UBAP2L: variants seen among roughly 807,000 people sequenced by gnomAD.
UBAP2L encodes the protein ubiquitin associated protein 2 like, also known as ubiquitin-associated protein 2-like.
A neutral mutation model predicts 130.6 loss-of-function variants in UBAP2L; 12 were observed. The observed-to-expected ratio is 0.09, with a 90% CI of 0.06 to 0.15. The LOEUF (loss-of-function observed/expected upper bound fraction) is 0.15. UBAP2L is among the 10% of genes least tolerant of loss of function. The probability of loss-of-function intolerance (pLI) is 1.00; values close to 1 mark genes in which losing one functional copy is unlikely to be tolerated. For synonymous variants in UBAP2L, 503 were observed against 524.7 expected (o/e 0.96, Z 0.57); for missense variants, 965 against 1,332.5 (o/e 0.72, Z 4.29).
At chr1:154,265,860 T>C (rs947701850) in intron 24 of UBAP2L, among the ~76,000 whole-genome samples, 5 of 152,228 alleles carry the variant, frequency 3.3e-5, no homozygotes, top group Non-Finnish European at 7.3e-5. Flanking sequence ...CCCACCCCGC[T>C]ACACTTAGGC....
At position 154,251,487 on chromosome 1, in the gene UBAP2L, G is replaced by A; in HGVS notation, c.1498G>A (p.Ala500Thr). The A allele has an allele frequency of 6.2e-7, 1 of 1,613,822 alleles. No homozygotes were observed. Among genetic ancestry groups the A allele is most frequent in the Non-Finnish European group, 8.5e-7 (1 of 1,179,966 alleles). ...TTCTCCTTCAACTTTATAGATTCCT[G>A]CTCTGGCTGTGGAGATGCCTGGCTC... Reference protein sequence around the residue: ...KKASLTSKIPALAVEMPGSAD... With the variant: ...KKASLTSKIPTLAVEMPGSAD... The change falls in exon 14 of 27, where the codon GCT (alanine) becomes ACT (threonine). Residue 500 changes from alanine to threonine, a missense_variant. Transcript: ENST00000428931.
In UBAP2L at chr1:154,237,021, C is replaced by T. The variant is rs377311568; in HGVS notation, c.591-3C>T. 1.9e-6 allele frequency: 3 copies of T among 1,611,758 alleles called. No individual in the cohort carries two copies. The highest frequency in any genetic ancestry group is 2.5e-6 in the Non-Finnish European group (3 of 1,178,972). On this transcript the variant is annotated splice_polypyrimidine_tract_variant and splice_region_variant and intron_variant, in intron 7 of 26. Coordinates refer to ENST00000428931, the MANE Select transcript of UBAP2L (RefSeq NM_014847.4). ...AGAGACTCTTAAGTTTTATTTTTTC[C>T]AGAACCTTTAACCCAGCTGATTATG...
rs901320514 is a variant in UBAP2L, at chr1:154,246,099, G to T, written c.843-105G>T. On this transcript the variant is annotated intron_variant, in intron 10 of 26. Transcript: ENST00000428931. ...CTTTTGTGTTTGAACCCTTTTAGAA[G>T]AAGCCCCAGCAAGTGGCTTCATTTT... 2.4e-6 allele frequency: 3 copies of T among 1,275,326 alleles called. No individual in the cohort carries two copies. In the East Asian group the frequency reaches 7.1e-5, roughly 30 times the overall value. The allele number at this position is 1,275,326 out of a possible 1,614,324, so 79.0% of individuals were successfully genotyped here. A position where few individuals can be genotyped will look rare whatever the true frequency, so the allele number is the denominator to read the frequency against.
At chr1:154,250,327 C>T (rs147907057) in intron 12 of UBAP2L, among the ~76,000 whole-genome samples, 1 of 150,296 alleles carries the variant, frequency 6.7e-6, no homozygotes, top group African/African-American at 2.4e-5. Context: ...GATGGGATTG[C>T]AGGCGTGAGC....
intron 7 of UBAP2L, 122 bp downstream of exon 7, chr1:154,236,733 A>G: frequency 9.8e-7 from 1 of 1,023,386 alleles, no homozygotes; most frequent in Non-Finnish European, 1.5e-6. Context: ...CTTAGGGCTC[A>G]TTTCTTAGGG....
chr1:154,235,462 C>T (rs1671336484), intron 6 of UBAP2L, among the ~76,000 whole-genome samples, 171 bp downstream of exon 6: 1 of 152,008 alleles, frequency 6.6e-6, no homozygotes, highest in Non-Finnish European at 1.5e-5. Flanking sequence ...AAGTGATCCT[C>T]CTGCCTCAGC....
chr1:154,254,708 C>T (rs1165305441), intron 15 of UBAP2L, 128 bp from the exon 16 acceptor site: 5 of 1,028,752 alleles, frequency 4.9e-6, no homozygotes, highest in Non-Finnish European at 7.1e-6. Flanking sequence ...AATATTAATC[C>T]TTTTGGTTAA....
At chr1:154,251,343 C>T (rs772475629) in intron 13 of UBAP2L, 25 bp downstream of exon 13, 16 of 1,596,216 alleles carry the variant, frequency 1.0e-5, no homozygotes, top group Non-Finnish European at 1.2e-5. Flanking sequence ...AGGTAGATAC[C>T]ATTTTATGGC....
At chr1:154,255,058 CT>C in intron 16 of UBAP2L, 93 bp from the exon 17 acceptor site, 3 of 1,467,398 alleles carry the variant, frequency 2.0e-6, no homozygotes, top group Non-Finnish European at 2.8e-6. Context: ...ATAACTCATC[CT>C]TTTGTCTTTG....
At chr1:154,250,902 G>T in intron 12 of UBAP2L, 139 bp from the exon 13 acceptor site, 1 of 672,392 alleles carries the variant, frequency 1.5e-6, no homozygotes, top group Non-Finnish European at 2.4e-6. Flanking sequence ...ATAGAAATGA[G>T]ATTAAGCCCC....
intron 4 of UBAP2L, among the ~76,000 whole-genome samples, chr1:154,232,187 C>G (rs1156366041): frequency 6.6e-6 from 1 of 152,002 alleles, no homozygotes. Flanking sequence ...ATTAGCTGGG[C>G]CTGGTGGTGC....
chr1:154,220,544 A>G (rs1313033041), upstream of UBAP2L: 11 of 861,836 alleles, frequency 1.3e-5, no homozygotes, highest in East Asian at 2.8e-4. Context: ...ACCAAGCCAG[A>G]CCCGGCCTGA....
At chr1:154,240,928 C>CT (rs1475822070) in intron 8 of UBAP2L, among the ~76,000 whole-genome samples, 1 of 135,914 alleles carries the variant, frequency 7.4e-6, no homozygotes, top group Non-Finnish European at 1.5e-5. Context: ...GGGTGGTTGT[C>CT]TGTCTGTCCC....
At position 154,266,540 on chromosome 1, in the gene UBAP2L, T is replaced by A. The variant is rs1274544444; in HGVS notation, c.2942T>A (p.Ile981Asn). The A allele has an allele frequency of 6.2e-7, 1 of 1,614,160 alleles. No individual in the cohort carries two copies. Among genetic ancestry groups the A allele is most frequent in the Admixed American group, 1.7e-5 (1 of 60,014 alleles). Residue 981 changes from isoleucine to asparagine, a missense_variant, in exon 25 of 27, where the codon ATC (isoleucine) becomes AAC (asparagine). Physicochemically the swap from Ile to Asn is moderately radical, Grantham distance 149. Coordinates refer to ENST00000428931, the MANE Select transcript of UBAP2L (RefSeq NM_014847.4). ...VTSSNTGVPD[I>N]SGSVYSKTQQ... Reference sequence around the variant, plus strand: ...TCCAGTAACACGGGCGTGCCAGATATCTCGGGTTCTGTGTACTCCAAAACC... The same window carrying A: ...TCCAGTAACACGGGCGTGCCAGATAACTCGGGTTCTGTGTACTCCAAAACC...
At chr1:154,254,940 TA>T in intron 16 of UBAP2L, 50 bp downstream of exon 16, 1 of 1,572,756 alleles carries the variant, frequency 6.4e-7, no homozygotes. Flanking sequence ...TTTTCTATCT[TA>T]AAATGGTGAT....
chr1:154,270,214 A>C lies in UBAP2L; in HGVS notation c.3183A>C (p.Gln1061His), dbSNP rs768260822. 2.5e-6 allele frequency: 4 copies of C among 1,606,944 alleles called. No homozygotes were observed. The highest frequency in any genetic ancestry group is 3.4e-6 in the Non-Finnish European group (4 of 1,175,492). Residue 1061 changes from glutamine to histidine, a missense_variant, in exon 27 of 27, where the codon CAA (glutamine) becomes CAC (histidine). This residue lies in a region of UBAP2L where 194 missense variants were observed against 334.0 expected (regional missense o/e 0.58). Coordinates refer to ENST00000428931, the MANE Select transcript of UBAP2L (RefSeq NM_014847.4). Reference protein sequence around the residue: ...LQQDGQTGSGQRSQTSSIPQK... With the variant: ...LQQDGQTGSGHRSQTSSIPQK... ...TTCCCCTGCAGACGGGCAGCGGGCAACGTAGCCAGACCAGCTCCATCCCGC... is the reference window on the plus strand; with the variant it reads ...TTCCCCTGCAGACGGGCAGCGGGCACCGTAGCCAGACCAGCTCCATCCCGC...
chr1:154,269,630 C>T (rs1684286078), intron 26 of UBAP2L: 6 of 346,434 alleles, frequency 1.7e-5, no homozygotes, highest in Admixed American at 7.8e-5. Flanking sequence ...GGAAAACATT[C>T]GGTTACCAGA....
chr1:154,224,372 A>T (rs766126984), intron 1 of UBAP2L, among the ~76,000 whole-genome samples: 2 of 152,230 alleles, frequency 1.3e-5, no homozygotes, highest in Non-Finnish European at 2.9e-5. Flanking sequence ...GGAGACCAAG[A>T]GAAGCACCTG....
chr1:154,231,123 G>A (rs1669701544), intron 4 of UBAP2L, among the ~76,000 whole-genome samples: 1 of 151,970 alleles, frequency 6.6e-6, no homozygotes, highest in African/African-American at 2.4e-5. Context: ...TCTTGGGTAG[G>A]TAATCTTTTT....
Sources: gnomAD v4.1 joint callset for allele counts (sites outside exome capture counted in the v4.1 genomes callset) on GRCh38, gnomAD v4.1.1 for gene constraint, gnomAD v4.1.1 regional missense constraint, MANE v1.5 for transcripts, NCBI Gene and HGNC (gene_info 2026-07-23, HGNC 2026-07-21) for gene names.